The following PDE4B variants were observed in gnomAD, a reference collection of about 807,000 sequenced individuals.
PDE4B encodes phosphodiesterase 4B, also known as 3',5'-cyclic-AMP phosphodiesterase 4B.
A neutral mutation model predicts 82.2 loss-of-function variants in PDE4B; 20 were observed. The observed-to-expected ratio is 0.24, with a 90% CI of 0.17 to 0.35. PDE4B has a LOEUF of 0.35. PDE4B is among the 10% of genes least tolerant of loss of function. The pLI, the probability that PDE4B is intolerant of heterozygous loss-of-function variation, is 1.00. For synonymous variants in PDE4B, 320 were observed against 318.9 expected (o/e 1.00, Z -0.04); for missense variants, 655 against 907.2 (o/e 0.72, Z 3.57).
At chr1:65,938,519 T>C (rs1045253764) in intron 3 of PDE4B, among the ~76,000 whole-genome samples, 1 of 152,206 alleles carries the variant, frequency 6.6e-6, no homozygotes, top group African/African-American at 2.4e-5. Context: ...AAAGGAAGCA[T>C]TGTGCTTGAC....
intron 3 of PDE4B, among the ~76,000 whole-genome samples, chr1:65,974,500 A>G (rs72916468): frequency 0.045 from 6,811 of 152,244 alleles, 529 homozygotes; most frequent in African/African-American, 0.16. Flanking sequence ...GTCATGGCAG[A>G]CATTACCTAT....
chr1:65,821,163 G>A (rs1393891303), intron 1 of PDE4B, among the ~76,000 whole-genome samples: 1 of 152,220 alleles, frequency 6.6e-6, no homozygotes, highest in Non-Finnish European at 1.5e-5. Context: ...CCACAGCTTG[G>A]TCAGGCACAG....
chr1:65,825,343 G>C (rs1307811741), intron 1 of PDE4B, among the ~76,000 whole-genome samples: 1 of 152,136 alleles, frequency 6.6e-6, no homozygotes, highest in Non-Finnish European at 1.5e-5. Flanking sequence ...ACACAAGGAT[G>C]GAAAGAGACT....
intron 3 of PDE4B, among the ~76,000 whole-genome samples, chr1:66,001,420 A>G (rs553522573): frequency 6.6e-6 from 1 of 152,330 alleles, no homozygotes; most frequent in South Asian, 2.1e-4. Context: ...TTTATTTTAA[A>G]ACAGTTTCCA....
chr1:65,968,099 A>G (rs1649942847), intron 3 of PDE4B, among the ~76,000 whole-genome samples: 1 of 152,150 alleles, frequency 6.6e-6, no homozygotes, highest in Admixed American at 6.6e-5. Flanking sequence ...TTGCTAATAC[A>G]TAGAATGACA....
chr1:65,883,706 G>A (rs908471697), intron 1 of PDE4B, among the ~76,000 whole-genome samples: 3 of 152,140 alleles, frequency 2.0e-5, no homozygotes, highest in Non-Finnish European at 4.4e-5. Context: ...GAATAGGAGT[G>A]GTGAGAGAGG....
At chr1:66,290,291 G>A (rs533519231) in intron 7 of PDE4B, among the ~76,000 whole-genome samples, 1 of 152,266 alleles carries the variant, frequency 6.6e-6, no homozygotes, top group South Asian at 2.1e-4. Flanking sequence ...GAAGATGTGG[G>A]TGTAAGTGGA....
chr1:66,329,223 A>G (rs1659940132), intron 7 of PDE4B, among the ~76,000 whole-genome samples: 1 of 152,154 alleles, frequency 6.6e-6, no homozygotes, highest in South Asian at 2.1e-4. Context: ...AACACACCAA[A>G]CCATTAATTG....
intron 1 of PDE4B, among the ~76,000 whole-genome samples, chr1:65,808,877 T>A (rs1472809950): frequency 6.6e-6 from 1 of 152,262 alleles, no homozygotes; most frequent in Non-Finnish European, 1.5e-5. Context: ...ATGATTGTTG[T>A]TATTTTCTAT....
intron 3 of PDE4B, among the ~76,000 whole-genome samples, chr1:65,965,255 C>T (rs1003082887): frequency 6.6e-6 from 1 of 151,914 alleles, no homozygotes; most frequent in African/African-American, 2.4e-5. Flanking sequence ...CTCCCCCCCC[C>T]ATGGAAAAGG....
chr1:66,263,003 A>C (rs1484828960), intron 6 of PDE4B, among the ~76,000 whole-genome samples: 2 of 152,248 alleles, frequency 1.3e-5, no homozygotes, highest in African/African-American at 4.8e-5. Flanking sequence ...TTTGGAACTC[A>C]GGAAAAGGTG....
At position 66,374,162 on chromosome 1, in the gene PDE4B, T is replaced by G. The variant is rs990738646; in HGVS notation, c.*1484T>G. The G allele has an allele frequency of 1.3e-5, 2 of 152,590 alleles. No individual in the cohort carries two copies. The highest frequency in any genetic ancestry group is 2.9e-5 in the Non-Finnish European group (2 of 68,030). The allele number at this position is 152,590 out of a possible 1,614,324, so 9.5% of individuals were successfully genotyped here. A position where few individuals can be genotyped will look rare whatever the true frequency, so the allele number is the denominator to read the frequency against. The stretch of plus-strand genomic sequence containing the variant: ...TCTGAATGCTCCCGAACTACTGACT[T>G]TGAAGAGGTAGCCTCCTGCCTGCCA... On this transcript the variant is annotated 3_prime_UTR_variant, in exon 17 of 17. Coordinates refer to ENST00000341517, the MANE Select transcript of PDE4B (RefSeq NM_002600.4).
chr1:66,130,496 C>T (rs1168008024), intron 3 of PDE4B, among the ~76,000 whole-genome samples: 1 of 152,024 alleles, frequency 6.6e-6, no homozygotes, highest in East Asian at 1.9e-4. Flanking sequence ...AGGGACACCT[C>T]ACAGACCCCC....
chr1:66,199,027 T>A (rs1648611932), intron 3 of PDE4B, among the ~76,000 whole-genome samples: 1 of 151,982 alleles, frequency 6.6e-6, no homozygotes, highest in Non-Finnish European at 1.5e-5. Flanking sequence ...ACATTTGGGT[T>A]GGTTCCAAGT....
In PDE4B at chr1:66,252,755, T is replaced by C. The variant is rs574233355; in HGVS notation, c.477-4892T>C. 9.9e-5 allele frequency among the ~76,000 whole-genome samples: 15 copies of C among 152,234 alleles called. No individual in the cohort carries two copies. The South Asian group carries it at 1.0e-3, about 11-fold the overall frequency. On this transcript the variant is annotated intron_variant, in intron 4 of 16. Transcript: ENST00000341517. ...GAGTTTGAGACCAGCCTGGACAACGTGGCGAAGCCCTGTCTCTACAAAAAA... is the reference window on the plus strand; with the variant it reads ...GAGTTTGAGACCAGCCTGGACAACGCGGCGAAGCCCTGTCTCTACAAAAAA...
intron 3 of PDE4B, among the ~76,000 whole-genome samples, chr1:65,948,200 C>T (rs1433512867): frequency 1.3e-5 from 2 of 151,594 alleles, no homozygotes; most frequent in African/African-American, 2.4e-5. Flanking sequence ...AAGGCCCACC[C>T]GTACCCATTG....
At chr1:66,006,411 CATGTCAA>C (rs1569951826) in intron 3 of PDE4B, among the ~76,000 whole-genome samples, 1 of 152,246 alleles carries the variant, frequency 6.6e-6, no homozygotes, top group East Asian at 1.9e-4. Context: ...AGTCATTTGG[CATGTCAA>C]ATGATTAATT....
chr1:65,902,409 T>C (rs1646981842), intron 1 of PDE4B, among the ~76,000 whole-genome samples: 2 of 152,134 alleles, frequency 1.3e-5, no homozygotes, highest in African/African-American at 4.8e-5. Context: ...TGATAAGAAG[T>C]TTTGTTTATG....
In PDE4B at chr1:66,267,304, T is replaced by G. The variant is rs921696139; in HGVS notation, c.634+1217T>G. The G allele has an allele frequency of 2.0e-5, 3 of 152,198 alleles. No homozygotes were observed. In the South Asian group the frequency reaches 6.2e-4, roughly 32 times the overall value. The allele number at this position is 152,198 out of a possible 1,614,324, so 9.4% of individuals were successfully genotyped here. On this transcript the variant is annotated intron_variant, in intron 7 of 16. Coordinates refer to ENST00000341517, the MANE Select transcript of PDE4B (RefSeq NM_002600.4). ...TGTACTATTTCTTTTAGAACTTTTA[T>G]AAAAAGAAACAAAATAGGATGTTTT...
Sources: gnomAD v4.1 joint callset for allele counts (sites outside exome capture counted in the v4.1 genomes callset) on GRCh38, gnomAD v4.1.1 for gene constraint, MANE v1.5 for transcripts, NCBI Gene and HGNC (gene_info 2026-07-23, HGNC 2026-07-21) for gene names.